Variants in ADCY9 observed in about 807,000 individuals in gnomAD.
ADCY9 encodes adenylate cyclase type 9.
In ADCY9, 50 loss-of-function variants were observed where a neutral mutation model predicts 101.5. That is an observed-to-expected ratio of 0.49 (90% CI 0.39 to 0.62). The LOEUF (loss-of-function observed/expected upper bound fraction) is 0.62. ADCY9 is among the 20% of genes least tolerant of loss of function. The probability of loss-of-function intolerance (pLI) is 0.00; values close to 1 mark genes in which losing one functional copy is unlikely to be tolerated. For missense variants in ADCY9, 1,662 were observed against 1,800.4 expected (o/e 0.92, Z 1.39); for synonymous variants, 905 against 769.3 (o/e 1.18, Z -2.92).
At chr16:4,000,167 A>G (rs907672281) in intron 3 of ADCY9, among the ~76,000 whole-genome samples, 3 of 152,218 alleles carry the variant, frequency 2.0e-5, no homozygotes, top group Non-Finnish European at 2.9e-5. Context: ...ATAACCACAA[A>G]CACAATTTCC....
intron 6 of ADCY9, among the ~76,000 whole-genome samples, chr16:3,984,711 T>C (rs1051646843): frequency 1.3e-5 from 2 of 152,178 alleles, no homozygotes; most frequent in African/African-American, 4.8e-5. Context: ...ATGTAGCCAG[T>C]TCAGCTGCTT....
At chr16:4,063,386 G>GA (rs962182591) in intron 2 of ADCY9, among the ~76,000 whole-genome samples, 30 of 146,926 alleles carry the variant, frequency 2.0e-4, no homozygotes, top group South Asian at 1.3e-3. Context: ...CCTGTATCAG[G>GA]AAAAAAAAAA....
At position 4,018,951 on chromosome 16, in the gene ADCY9, T is replaced by TTGTGTGTG. The variant is rs58093859; in HGVS notation, c.1694-11401_1694-11394dup. Among the ~76,000 whole-genome samples the TTGTGTGTG allele has an allele frequency of 4.1e-3, 569 of 138,926 alleles. 4 individuals carry two copies. Among genetic ancestry groups the TTGTGTGTG allele is most frequent in the African/African-American group, 0.013 (498 of 37,952 alleles). 91.1% of individuals were successfully genotyped at this position (138,926 alleles called of 152,430 possible). A position where few individuals can be genotyped will look rare whatever the true frequency, so the allele number is the denominator to read the frequency against. On this transcript the variant is annotated intron_variant, in intron 2 of 10. Coordinates refer to ENST00000294016, the MANE Select transcript of ADCY9 (RefSeq NM_001116.4). Reference sequence around the variant, plus strand: ...CTGAACTTTTCTGGAAGAATCGCAGTTGTGTGTGTGTGTGTGTGTTTTGTT... The same window carrying TTGTGTGTG: ...CTGAACTTTTCTGGAAGAATCGCAGTTGTGTGTGTGTGTGTGTGTGTGTGTGTTTTGTT...
chr16:4,106,489 G>A (rs1260154475), intron 2 of ADCY9, among the ~76,000 whole-genome samples: 1 of 152,282 alleles, frequency 6.6e-6, no homozygotes, highest in East Asian at 1.9e-4. Context: ...ATTCCCTCCA[G>A]GGATGCTAGT....
chr16:4,090,739 CT>C (rs34323482), intron 2 of ADCY9, among the ~76,000 whole-genome samples: 7 of 151,268 alleles, frequency 4.6e-5, no homozygotes, highest in Non-Finnish European at 1.0e-4. Flanking sequence ...TTAAATACTA[CT>C]TTTTTTTCAA....
intron 2 of ADCY9, among the ~76,000 whole-genome samples, chr16:4,076,339 G>A (rs900455107): frequency 6.6e-6 from 1 of 152,230 alleles, no homozygotes. Context: ...AGGACTGATG[G>A]TGGCAAATCT....
chr16:4,081,936 G>C (rs2056906193), intron 2 of ADCY9, among the ~76,000 whole-genome samples: 1 of 152,038 alleles, frequency 6.6e-6, no homozygotes, highest in Non-Finnish European at 1.5e-5. Context: ...TGAGGTCACT[G>C]GTGGTGATGT....
At chr16:3,994,301 T>C (rs1045757608) in intron 3 of ADCY9, among the ~76,000 whole-genome samples, 3 of 152,156 alleles carry the variant, frequency 2.0e-5, no homozygotes, top group African/African-American at 7.2e-5. Flanking sequence ...CCCTGAGAAA[T>C]ACATTTCTGT....
intron 2 of ADCY9, among the ~76,000 whole-genome samples, chr16:4,035,719 C>T (rs1399503875): frequency 6.6e-6 from 1 of 152,104 alleles, no homozygotes. Flanking sequence ...TCCAAGGGGG[C>T]CGGGCACGGT....
In ADCY9 at chr16:3,986,617, C is replaced by G. The variant is rs145571601; in HGVS notation, c.2310+2377G>C. On this transcript the variant is annotated intron_variant, in intron 6 of 10. Transcript: ENST00000294016. ...GGATTACAGGCGCCCGCCACCATAC[C>G]TGGCTAAGTTTTGTATTTTTAGTAG... is the stretch of plus-strand genomic sequence containing the variant. Among the ~76,000 whole-genome samples, 704 of 152,278 alleles carry G rather than the reference C, an allele frequency of 4.6e-3. 3 individuals carry two copies. The highest frequency in any genetic ancestry group is 0.016 in the African/African-American group (674 of 41,564).
intron 2 of ADCY9, among the ~76,000 whole-genome samples, chr16:4,080,700 A>G (rs1438218063): frequency 6.9e-6 from 1 of 144,648 alleles, no homozygotes; most frequent in Admixed American, 7.3e-5. Context: ...CCAGGCCTCT[A>G]CCAGAAACAT....
At position 4,025,134 on chromosome 16, in the gene ADCY9, G is replaced by C. The variant is rs562680521; in HGVS notation, c.1694-17576C>G. Among the ~76,000 whole-genome samples the C allele has an allele frequency of 2.0e-3, 297 of 152,194 alleles. 1 individual carries two copies. The highest frequency in any genetic ancestry group is 3.4e-3 in the Middle Eastern group (1 of 294). On this transcript the variant is annotated intron_variant, in intron 2 of 10. Transcript: ENST00000294016. The stretch of plus-strand genomic sequence containing the variant: ...TCCCAGCACTTTGAGAGGCCGAGGC[G>C]GGTGGATCACCTGAGCTCAGGAGTT...
chr16:4,082,006 C>T (rs143379315), intron 2 of ADCY9, among the ~76,000 whole-genome samples: 3 of 152,120 alleles, frequency 2.0e-5, no homozygotes, highest in East Asian at 1.9e-4. Context: ...AGGCAAGTCA[C>T]GCACAGGCAG....
At chr16:4,077,579 T>G (rs1269085636) in intron 2 of ADCY9, among the ~76,000 whole-genome samples, 2 of 152,124 alleles carry the variant, frequency 1.3e-5, no homozygotes, top group Admixed American at 6.6e-5. Flanking sequence ...AAGCAGAGAA[T>G]AGGCATATTT....
intron 6 of ADCY9, among the ~76,000 whole-genome samples, chr16:3,985,641 G>C (rs944876723): frequency 2.6e-5 from 4 of 152,180 alleles, no homozygotes; most frequent in African/African-American, 9.7e-5. Flanking sequence ...GTCCTTCTGA[G>C]AGCCCACACC....
chr16:4,069,511 A>C (rs1597206579), intron 2 of ADCY9, among the ~76,000 whole-genome samples: 1 of 152,144 alleles, frequency 6.6e-6, no homozygotes, highest in African/African-American at 2.4e-5. Flanking sequence ...AAGAACAACG[A>C]ATAAATAGAA....
At chr16:3,958,673 C>CTTTTTTTTTTTTTTTTTT (rs1207846349), downstream of ADCY9, among the ~76,000 whole-genome samples, 3 of 103,024 alleles carry the variant, frequency 2.9e-5, no homozygotes, top group Non-Finnish European at 3.6e-5. Flanking sequence ...TCGTCGGTTA[C>CTTTTTTTTTTTTTTTTTT]TTTTTTTTTT....
chr16:4,041,008 C>T (rs1400956661), intron 2 of ADCY9, among the ~76,000 whole-genome samples: 1 of 151,876 alleles, frequency 6.6e-6, no homozygotes, highest in Non-Finnish European at 1.5e-5. Context: ...AGGTAAATAC[C>T]CCTTCAAAAT....
intron 2 of ADCY9, among the ~76,000 whole-genome samples, chr16:4,046,301 A>T (rs11076803): frequency 0.33 from 50,536 of 152,026 alleles, 9,620 homozygotes; most frequent in East Asian, 0.46. Context: ...GCACTGAACC[A>T]TAGCACATGC....
Sources: allele counts gnomAD v4.1 joint callset (sites outside exome capture counted in the v4.1 genomes callset), GRCh38; gene constraint gnomAD v4.1.1; transcripts MANE v1.5; gene names NCBI Gene and HGNC (gene_info 2026-07-23, HGNC 2026-07-21).